Variants in CDK9 observed in about 807,000 individuals in gnomAD.
CDK9 encodes cyclin dependent kinase 9.
A neutral mutation model predicts 39.0 loss-of-function variants in CDK9; 34 were observed. That is an observed-to-expected ratio of 0.87 (90% CI 0.66 to 1.16). CDK9 has a LOEUF of 1.16. Ranked by LOEUF, CDK9 falls within the 50% of genes most tolerant of loss-of-function variation. The pLI is 0.00. For missense variants in CDK9, 369 were observed against 503.2 expected (o/e 0.73, Z 2.55); for synonymous variants, 233 against 196.2 (o/e 1.19, Z -1.57).
At position 127,788,607 on chromosome 9, in the gene CDK9, G is replaced by T; in HGVS notation, c.668G>T (p.Trp223Leu). The T allele has an allele frequency of 6.2e-7, 1 of 1,601,146 alleles. No individual in the cohort carries two copies. Among genetic ancestry groups the T allele is most frequent in the Admixed American group, 1.7e-5 (1 of 57,610 alleles). ...WGAGCIMAEMWTRSPIMQGNT... is the reference protein window; with the variant it reads ...WGAGCIMAEMLTRSPIMQGNT... ...GCTGGGTGCATCATGGCAGAGATGT[G>T]GACCCGCAGCCCCATCATGCAGGGC... Residue 223 changes from tryptophan (W) to leucine (L), a missense_variant, in exon 6 of 7, where the codon TGG (tryptophan) becomes TTG (leucine). By Grantham distance (61) the Trp-to-Leu change is moderately conservative. Transcript: ENST00000373264.
In CDK9 at chr9:127,789,709, TGA is replaced by T. The variant is rs1391586426; in HGVS notation, c.*171_*172del. On this transcript the variant is annotated 3_prime_UTR_variant, in exon 7 of 7. Coordinates refer to ENST00000373264, the MANE Select transcript of CDK9 (RefSeq NM_001261.4). This position sits in a 1 kb window ranked among gnomAD's most constrained non-coding sequence, Gnocchi z 5.2. ...GAGTGGACTGGAGTGGAGCATTGGCTGAGAGACCAGGAGGGCACTGGAGCTGT... is the reference window on the plus strand; with the variant it reads ...GAGTGGACTGGAGTGGAGCATTGGCTGAGACCAGGAGGGCACTGGAGCTGT... 1 of 897,230 alleles carries T rather than the reference TGA, an allele frequency of 1.1e-6. No homozygotes were observed. The allele number at this position is 897,230 out of a possible 1,614,324, so 55.6% of individuals were successfully genotyped here.
chr9:127,787,257 A>G (rs1327252651), intron 2 of CDK9, among the ~76,000 whole-genome samples: 1 of 151,684 alleles, frequency 6.6e-6, no homozygotes, highest in South Asian at 2.1e-4. Flanking sequence ...CGAAACAGCC[A>G]TAGAGCTGAA....
Position 127,786,706 on chromosome 9 carries a change from T to G in CDK9, c.98T>G (p.Val33Gly), listed in dbSNP as rs1588537476. ...AKIGQGTFGE[V>G]FKARHRKTGQ... ...GTCTCCCTTTCCGCCTGCAGGGAGG[T>G]GTTCAAGGCCAGGCACCGCAAGACC... The change falls in exon 2 of 7, where the codon GTG (valine) becomes GGG (glycine). Residue 33 changes from valine (V) to glycine (G), a missense_variant. Coordinates refer to ENST00000373264, the MANE Select transcript of CDK9 (RefSeq NM_001261.4). 1.2e-6 allele frequency: 2 copies of G among 1,612,056 alleles called. No individual in the cohort carries two copies. Among genetic ancestry groups the G allele is most frequent in the Non-Finnish European group, 1.7e-6 (2 of 1,179,398 alleles).
chr9:127,786,343 C>T (rs1238798585), intron 1 of CDK9, 103 bp downstream of exon 1: 2 of 957,516 alleles, frequency 2.1e-6, no homozygotes, highest in Non-Finnish European at 1.6e-6. Context: ...GTCGTCTGTC[C>T]CCGGGCTTGC....
chr9:127,788,735 C>T (rs1220446850), intron 6 of CDK9, 43 bp downstream of exon 6: 6 of 1,528,746 alleles, frequency 3.9e-6, no homozygotes, highest in African/African-American at 1.4e-5. Context: ...ATCGAGGTCC[C>T]CCGGCAGAGG....
In CDK9 at chr9:127,789,561, T is replaced by G. The variant is rs752742844; in HGVS notation, c.*18T>G. ...TCTTCTGAGGGCCGGCGCTTGCCAC[T>G]AGGGCTCTTGTGTTTTTTTTCTTCT... On this transcript the variant is annotated 3_prime_UTR_variant, in exon 7 of 7. Coordinates refer to ENST00000373264, the MANE Select transcript of CDK9 (RefSeq NM_001261.4). This position sits in a 1 kb window ranked among gnomAD's most constrained non-coding sequence, Gnocchi z 5.2. 1.2e-6 allele frequency: 2 copies of G among 1,606,678 alleles called. No homozygotes were observed. The highest frequency in any genetic ancestry group is 4.5e-5 in the East Asian group (2 of 44,766).
chr9:127,786,376 G>A, intron 1 of CDK9, 136 bp downstream of exon 1: 2 of 773,576 alleles, frequency 2.6e-6, no homozygotes, highest in Non-Finnish European at 4.2e-6. Context: ...AGGCCGCGCC[G>A]CACCCCGCCC....
chr9:127,790,636 A>G lies in CDK9; in HGVS notation c.*1093A>G, dbSNP rs3217751. The G allele has an allele frequency of 0.33, 49,429 of 151,952 alleles. 9,387 individuals carry two copies. Among genetic ancestry groups the G allele is most frequent in the East Asian group, 0.59 (3,057 of 5,168 alleles). 9.4% of individuals were successfully genotyped at this position (151,952 alleles called of 1,614,324 possible). The stretch of plus-strand genomic sequence containing the variant: ...TGTGAGCCTGAAGTTAGGAAGAGAC[A>G]TTCTGGAGGTCAATTTCCTACATCC... On this transcript the variant is annotated 3_prime_UTR_variant, in exon 7 of 7. Coordinates refer to ENST00000373264, the MANE Select transcript of CDK9 (RefSeq NM_001261.4).
chr9:127,788,862 T>A (rs1829379756), intron 6 of CDK9, among the ~76,000 whole-genome samples, 170 bp downstream of exon 6: 1 of 152,108 alleles, frequency 6.6e-6, no homozygotes, highest in Admixed American at 6.5e-5. Flanking sequence ...ACACAGGCTG[T>A]GCGCCAGTCT....
Position 127,789,190 on chromosome 9 carries a change from G to T in CDK9, c.766G>T (p.Val256Leu), listed in dbSNP as rs769930999. 2 of 1,578,934 alleles carry T rather than the reference G, an allele frequency of 1.3e-6. No homozygotes were observed. The highest frequency in any genetic ancestry group is 1.7e-6 in the Non-Finnish European group (2 of 1,158,038). Residue 256 changes from valine to leucine, a missense_variant, in exon 7 of 7, where the codon GTG becomes TTG. By Grantham distance (32) the Val-to-Leu change is conservative. Coordinates refer to ENST00000373264, the MANE Select transcript of CDK9 (RefSeq NM_001261.4). This position sits in a 1 kb window ranked among gnomAD's most constrained non-coding sequence, Gnocchi z 5.2. ...CCCTCCCTCCCAGGTGTGGCCAAACGTGGACAACTATGAGCTGTACGAAAA... is the reference window on the plus strand; with the variant it reads ...CCCTCCCTCCCAGGTGTGGCCAAACTTGGACAACTATGAGCTGTACGAAAA... ...GSITPEVWPN[V>L]DNYELYEKLE... is the part of the protein sequence containing the mutation.
Position 127,789,003 on chromosome 9 carries a change from C to G in CDK9, c.754-175C>G, listed in dbSNP as rs1224804390. Among the ~76,000 whole-genome samples the G allele has an allele frequency of 6.6e-6, 1 of 152,170 alleles. No individual in the cohort carries two copies. The highest frequency in any genetic ancestry group is 1.5e-5 in the Non-Finnish European group (1 of 68,024). ...TTCCAGGTGATGTGGGTGGAAGGAC[C>G]TGGCACGTGGTATGTGCCAATCCAT... On this transcript the variant is annotated intron_variant, in intron 6 of 6. Transcript: ENST00000373264. This position sits in a 1 kb window ranked among gnomAD's most constrained non-coding sequence, Gnocchi z 5.2.
Position 127,786,927 on chromosome 9 carries a change from C to A in CDK9, c.174+145C>A, listed in dbSNP as rs528961894. On this transcript the variant is annotated intron_variant, in intron 2 of 6. Transcript: ENST00000373264. ...AAATTTCCAGGGAATGTGGCTTCCACCCTAAAACTAAATGTTTCATTCTTA... is the reference window on the plus strand; with the variant it reads ...AAATTTCCAGGGAATGTGGCTTCCAACCTAAAACTAAATGTTTCATTCTTA... 53 of 657,356 alleles carry A rather than the reference C, an allele frequency of 8.1e-5. No individual in the cohort carries two copies. In the African/African-American group the frequency reaches 9.1e-4, roughly 11 times the overall value. The allele number at this position is 657,356 out of a possible 1,614,324, so 40.7% of individuals were successfully genotyped here.
intron 2 of CDK9, 46 bp from the exon 3 acceptor site, chr9:127,787,472 C>T (rs758843054): frequency 2.9e-6 from 4 of 1,369,944 alleles, no homozygotes; most frequent in Non-Finnish European, 4.2e-6. Flanking sequence ...GGGCTGGGCT[C>T]TGTACTGCGC....
chr9:127,788,703 C>T lies in CDK9; in HGVS notation c.753+11C>T, dbSNP rs766414012. ...TCCATCACCCCTGAGGTACGGGGCC[C>T]CGGTCCCCACGGGGTGCAGAGATCG... On this transcript the variant is annotated intron_variant, in intron 6 of 6. Transcript: ENST00000373264. 9 of 1,581,658 alleles carry T rather than the reference C, an allele frequency of 5.7e-6. No individual in the cohort carries two copies. Among genetic ancestry groups the T allele is most frequent in the Admixed American group, 5.4e-5 (3 of 55,550 alleles).
chr9:127,788,175 T>G (rs775815842), intron 4 of CDK9, 39 bp from the exon 5 acceptor site: 1 of 1,613,178 alleles, frequency 6.2e-7, no homozygotes, highest in South Asian at 1.1e-5. Flanking sequence ...CACTCCCGGG[T>G]GGATGTCACT....
chr9:127,787,714 C>A, intron 3 of CDK9, 106 bp downstream of exon 3: 1 of 914,796 alleles, frequency 1.1e-6, no homozygotes. Context: ...CTCAGATGGA[C>A]CCATGGTGAC....
rs576155177 is a variant in CDK9 at position 127,788,731 on chromosome 9, G to T, written c.753+39G>T. 10 of 1,536,322 alleles carry T rather than the reference G, an allele frequency of 6.5e-6. No homozygotes were observed. In the African/African-American group the frequency reaches 6.9e-5, roughly 11 times the overall value. ...GTCCCCACGGGGTGCAGAGATCGAG[G>T]TCCCCCGGCAGAGGAGGAGTGGGGA... On this transcript the variant is annotated intron_variant, in intron 6 of 6. Coordinates refer to ENST00000373264, the MANE Select transcript of CDK9 (RefSeq NM_001261.4).
In CDK9 at chr9:127,789,033, G is replaced by C; in HGVS notation, c.754-145G>C. On this transcript the variant is annotated intron_variant, in intron 6 of 6. Coordinates refer to ENST00000373264, the MANE Select transcript of CDK9 (RefSeq NM_001261.4). The surrounding 1 kb of genome is among the most constrained non-coding windows in gnomAD (Gnocchi z 5.2). ...ACGTGGTATGTGCCAATCCATAGCG[G>C]GCACTGCTTCTGGGAGGGGTCGAGT... 1 of 1,047,124 alleles carries C rather than the reference G, an allele frequency of 9.5e-7. No homozygotes were observed. The highest frequency in any genetic ancestry group is 1.4e-6 in the Non-Finnish European group (1 of 733,976). 64.9% of individuals were successfully genotyped at this position (1,047,124 alleles called of 1,614,324 possible).
chr9:127,787,633 A>G (rs1363609628), intron 3 of CDK9, 25 bp downstream of exon 3: 1 of 1,514,670 alleles, frequency 6.6e-7, no homozygotes, highest in Non-Finnish European at 9.2e-7. Context: ...TCTTACGAGA[A>G]GATGACACTT....
Sources: gnomAD v4.1 joint callset for allele counts (sites outside exome capture counted in the v4.1 genomes callset) on GRCh38, gnomAD v4.1.1 for gene constraint, Gnocchi (gnomAD v3.1) non-coding constraint, MANE v1.5 for transcripts, NCBI Gene and HGNC (gene_info 2026-07-23, HGNC 2026-07-21) for gene names.